DIAPH3: variants seen among roughly 807,000 people sequenced by gnomAD.
The protein encoded by DIAPH3 is diaphanous related formin 3, also known as protein diaphanous homolog 3.
DIAPH3 carries 117 observed loss-of-function variants against 144.3 expected under a neutral mutation model. The observed-to-expected ratio is 0.81, with a 90% CI of 0.70 to 0.95. DIAPH3 has a LOEUF of 0.95. Ranked by LOEUF, DIAPH3 falls within the 40% of genes least tolerant of loss-of-function variation. The pLI is 0.00. For missense variants in DIAPH3, 1,421 were observed against 1,412.7 expected, an observed-to-expected ratio of 1.01 and a Z score of -0.09; for synonymous variants, 519 against 488.9, an observed-to-expected ratio of 1.06 and a Z score of -0.81.
intron 23 of DIAPH3, among the ~76,000 whole-genome samples, chr13:59,833,529 A>G (rs2041892300): frequency 6.6e-6 from 1 of 151,842 alleles, no homozygotes; most frequent in Admixed American, 6.6e-5. Context: ...CAAGTTTAAA[A>G]AATCTTTCTT....
chr13:60,159,650 A>AGAAT (rs1952195083), intron 1 of DIAPH3, among the ~76,000 whole-genome samples: 1 of 151,968 alleles, frequency 6.6e-6, no homozygotes, highest in African/African-American at 2.4e-5. Context: ...AAAGAAAGAA[A>AGAAT]GAATGTATAC....
chr13:60,000,896 C>T (rs754664038), intron 9 of DIAPH3, among the ~76,000 whole-genome samples: 1 of 152,100 alleles, frequency 6.6e-6, no homozygotes, highest in Non-Finnish European at 1.5e-5. Context: ...CAATCTACAT[C>T]CAAGATAAAA....
At chr13:60,123,094 A>G (rs1004371938) in intron 2 of DIAPH3, among the ~76,000 whole-genome samples, 1 of 152,172 alleles carries the variant, frequency 6.6e-6, no homozygotes, top group African/African-American at 2.4e-5. Flanking sequence ...AATCCATTTC[A>G]TTGGTATGCC....
intron 22 of DIAPH3, among the ~76,000 whole-genome samples, chr13:59,860,725 G>C (rs899670011): frequency 6.6e-6 from 1 of 151,738 alleles, no homozygotes; most frequent in Non-Finnish European, 1.5e-5. Context: ...GCAACAGAGC[G>C]AGACTCCATC....
At chr13:60,054,648 A>C (rs2056488873) in intron 4 of DIAPH3, among the ~76,000 whole-genome samples, 1 of 152,086 alleles carries the variant, frequency 6.6e-6, no homozygotes, top group Non-Finnish European at 1.5e-5. Context: ...ACTGGTAGGG[A>C]CAATATTTTA....
Position 59,991,243 on chromosome 13 carries a change from T to C in DIAPH3, c.1276A>G (p.Ser426Gly). The C allele has an allele frequency of 6.2e-7, 1 of 1,611,244 alleles. No individual in the cohort carries two copies. Among genetic ancestry groups the C allele is most frequent in the Non-Finnish European group, 8.5e-7 (1 of 1,178,346 alleles). ...EAYDVYNMVW[S>G]TVKETRAEGY... ...TCTGCTCTAGTTTCTTTAACTGTGC[T>C]CCACACCATGTTGTAAACATCATAT... Residue 426 changes from serine (S) to glycine (G), a missense_variant, in exon 12 of 28, where the codon AGC (serine) becomes GGC (glycine). By Grantham distance (56) the Ser-to-Gly change is moderately conservative (BLOSUM62 0). Coordinates refer to ENST00000400324, the MANE Select transcript of DIAPH3 (RefSeq NM_001042517.2).
chr13:60,003,216 GTAT>G (rs2052627373), intron 9 of DIAPH3, among the ~76,000 whole-genome samples: 1 of 152,078 alleles, frequency 6.6e-6, no homozygotes, highest in South Asian at 2.1e-4. Context: ...CGTATCTTCT[GTAT>G]TACTTCTAGC....
Position 60,010,765 on chromosome 13 carries a change from CATTTTT to C in DIAPH3, c.772-102_772-97del. Reference sequence around the variant, plus strand: ...TAGTTATTAAAAAAAATTTATAGGACATTTTTACACTTACTAAAGCTAAAAAATATA... The same window carrying C: ...TAGTTATTAAAAAAAATTTATAGGACACACTTACTAAAGCTAAAAAATATA... On this transcript the variant is annotated intron_variant, in intron 7 of 27. Coordinates refer to ENST00000400324, the MANE Select transcript of DIAPH3 (RefSeq NM_001042517.2). 5.8e-6 allele frequency: 7 copies of C among 1,206,730 alleles called. No individual in the cohort carries two copies. The South Asian group carries it at 6.9e-5, about 12-fold the overall frequency. The allele number at this position is 1,206,730 out of a possible 1,614,324, so 74.8% of individuals were successfully genotyped here. A position where few individuals can be genotyped will look rare whatever the true frequency, so the allele number is the denominator to read the frequency against.
At chr13:60,009,629 G>A (rs978054380) in intron 8 of DIAPH3, among the ~76,000 whole-genome samples, 3 of 152,266 alleles carry the variant, frequency 2.0e-5, no homozygotes, top group South Asian at 2.1e-4. Context: ...TGCTGGGTGT[G>A]GCAACACCTC....
chr13:59,683,595 A>G (rs1030959911), intron 27 of DIAPH3, among the ~76,000 whole-genome samples: 16 of 152,188 alleles, frequency 1.1e-4, no homozygotes, highest in Non-Finnish European at 1.9e-4. Context: ...TGCAGGCATG[A>G]AGTGATAAAA....
At chr13:59,757,739 C>A (rs980274382) in intron 27 of DIAPH3, among the ~76,000 whole-genome samples, 1 of 152,054 alleles carries the variant, frequency 6.6e-6, no homozygotes, top group Non-Finnish European at 1.5e-5. Flanking sequence ...TGTCATGCAG[C>A]CACTGAAACA....
intron 17 of DIAPH3, among the ~76,000 whole-genome samples, chr13:59,960,509 C>G (rs923770603): frequency 2.6e-5 from 4 of 152,110 alleles, no homozygotes; most frequent in African/African-American, 9.7e-5. Context: ...CCTGCAAACC[C>G]TTGGGAGAAT....
At chr13:60,125,172 C>T (rs1488623271) in intron 2 of DIAPH3, among the ~76,000 whole-genome samples, 3 of 152,058 alleles carry the variant, frequency 2.0e-5, no homozygotes, top group African/African-American at 7.2e-5. Context: ...TTACTTAACA[C>T]ACCGCTCTTC....
chr13:59,908,311 C>G (rs563461463), intron 20 of DIAPH3, among the ~76,000 whole-genome samples: 1 of 130,314 alleles, frequency 7.7e-6, no homozygotes, highest in Admixed American at 1.0e-4. Context: ...GAGGCGGTTG[C>G]AGTGAGCCGA....
At chr13:59,742,548 T>C (rs2036508874) in intron 27 of DIAPH3, among the ~76,000 whole-genome samples, 1 of 90,420 alleles carries the variant, frequency 1.1e-5, no homozygotes, top group Admixed American at 1.1e-4. Context: ...GATGTAAGCA[T>C]GGATGCTGCT....
intron 1 of DIAPH3, among the ~76,000 whole-genome samples, chr13:60,163,386 A>T (rs1952392382): frequency 6.6e-6 from 1 of 152,168 alleles, no homozygotes; most frequent in Admixed American, 6.5e-5. Context: ...AGCGTTAAGA[A>T]ATTTGGGGGC....
At chr13:59,802,484 AAAT>A (rs1566331123) in intron 25 of DIAPH3, among the ~76,000 whole-genome samples, 1 of 150,080 alleles carries the variant, frequency 6.7e-6, no homozygotes, top group African/African-American at 2.4e-5. Flanking sequence ...AATTTTATCA[AAAT>A]AACAATAACT....
intron 4 of DIAPH3, among the ~76,000 whole-genome samples, chr13:60,091,501 T>C (rs1566760834): frequency 6.6e-6 from 1 of 152,148 alleles, no homozygotes. Context: ...TCTTACTATG[T>C]TGCCCAGGCT....
intron 17 of DIAPH3, among the ~76,000 whole-genome samples, chr13:59,934,160 A>G (rs966451040): frequency 6.6e-6 from 1 of 152,168 alleles, no homozygotes; most frequent in Admixed American, 6.6e-5. Flanking sequence ...TCTATAACTG[A>G]GTATTTTAAA....
Sources: gnomAD v4.1 joint callset for allele counts (sites outside exome capture counted in the v4.1 genomes callset) on GRCh38, gnomAD v4.1.1 for gene constraint, MANE v1.5 for transcripts, NCBI Gene and HGNC (gene_info 2026-07-23, HGNC 2026-07-21) for gene names.